The following ZNF765 variants were observed in gnomAD, a reference collection of about 807,000 sequenced individuals.
ZNF765 encodes zinc finger protein 765.
ZNF765 carries 37 observed loss-of-function variants against 44.7 expected under a neutral mutation model. The ratio of observed to expected loss-of-function variants is 0.83; its 90% CI spans 0.64 to 1.09. ZNF765 has a LOEUF of 1.09. Ranked by LOEUF, ZNF765 falls within the 50% of genes least tolerant of loss-of-function variation. ZNF765 has a pLI of 0.00. For missense variants in ZNF765, 594 were observed against 626.1 expected, an observed-to-expected ratio of 0.95 and a Z score of 0.55; for synonymous variants, 201 against 213.7, an observed-to-expected ratio of 0.94 and a Z score of 0.52.
At chr19:53,413,116 GA>G (rs71304183), downstream of ZNF765, 1,087 of 337,778 alleles carry the variant, frequency 3.2e-3, no homozygotes, top group East Asian at 9.1e-3. Context: ...GTCTCAAAAA[GA>G]AAAAAAAAAA....
chr19:53,409,629 T>G lies in ZNF765; in HGVS notation c.*502T>G. ...AGAGAAACCATACAAGTGTAATGAG[T>G]GTGGCAAGACCTTTAGTCAGAACTC... On this transcript the variant is annotated 3_prime_UTR_variant, in exon 4 of 4. Transcript: ENST00000396408. The G allele has an allele frequency of 6.9e-7, 1 of 1,449,820 alleles. No individual in the cohort carries two copies. The highest frequency in any genetic ancestry group is 9.7e-7 in the Non-Finnish European group (1 of 1,034,202). 89.8% of individuals were successfully genotyped at this position (1,449,820 alleles called of 1,614,324 possible). A position where few individuals can be genotyped will look rare whatever the true frequency, so the allele number is the denominator to read the frequency against.
At chr19:53,400,274 A>C (rs982226723) in intron 2 of ZNF765, among the ~76,000 whole-genome samples, 1 of 152,208 alleles carries the variant, frequency 6.6e-6, no homozygotes, top group African/African-American at 2.4e-5. Flanking sequence ...AAACGTGGAT[A>C]GCTTGCTCTT....
chr19:53,423,119 C>A (rs1218859430), exon 4 of ZNF765: 1 of 699,950 alleles, frequency 1.4e-6, no homozygotes, highest in African/African-American at 1.8e-5. Context: ...CCCAGGCCAT[C>A]ACCATCAGCC....
chr19:53,426,857 C>T (rs1396356013), exon 4 of ZNF765: 4 of 151,862 alleles, frequency 2.6e-5, no homozygotes, highest in Non-Finnish European at 5.9e-5. Context: ...AGACAGTTCT[C>T]TGCTAAGGAA....
At chr19:53,414,505 C>A (rs1458571753), downstream of ZNF765, among the ~76,000 whole-genome samples, 26 of 50,024 alleles carry the variant, frequency 5.2e-4, no homozygotes, top group South Asian at 2.9e-3. Flanking sequence ...CCCCCCCCCC[C>A]CCCCGGGGAA....
At chr19:53,406,971 A>G (rs1323122902) in intron 3 of ZNF765, among the ~76,000 whole-genome samples, 2 of 152,156 alleles carry the variant, frequency 1.3e-5, no homozygotes, top group African/African-American at 4.8e-5. Flanking sequence ...CTTTTCTGCA[A>G]GGATATAGGT....
At chr19:53,419,825 C>T (rs1380522004) in intron 3 of ZNF765, among the ~76,000 whole-genome samples, 4 of 151,300 alleles carry the variant, frequency 2.6e-5, no homozygotes, top group Non-Finnish European at 5.9e-5. Context: ...CGAGACCAGC[C>T]TGGCCAACAT....
At chr19:53,404,731 A>AT (rs777397068) in intron 3 of ZNF765, among the ~76,000 whole-genome samples, 30 of 152,158 alleles carry the variant, frequency 2.0e-4, no homozygotes, top group Admixed American at 1.0e-3. Flanking sequence ...AAGTGCTGGG[A>AT]TTACAGGCGT....
Position 53,408,728 on chromosome 19 carries a change from C to T in ZNF765, c.1173C>T (p.Thr391=), listed in dbSNP as rs1555832794. 1.3e-6 allele frequency: 2 copies of T among 1,575,228 alleles called. No homozygotes were observed. The highest frequency in any genetic ancestry group is 1.7e-6 in the Non-Finnish European group (2 of 1,157,154). The change falls in exon 4 of 4, where the codon ACC becomes ACT. Residue 391 remains threonine, a synonymous_variant. Coordinates refer to ENST00000396408, the MANE Select transcript of ZNF765 (RefSeq NM_001040185.3). The part of the protein sequence containing the change: ...KPYKCNECSK[T]FSHKSSLTYH... ...ACAAGTGTAATGAGTGTAGCAAGACCTTTAGTCACAAGTCATCTCTTACAT... is the reference window on the plus strand; with the variant it reads ...ACAAGTGTAATGAGTGTAGCAAGACTTTTAGTCACAAGTCATCTCTTACAT...
At chr19:53,415,061 C>T (rs1249209900), downstream of ZNF765, among the ~76,000 whole-genome samples, 1 of 152,074 alleles carries the variant, frequency 6.6e-6, no homozygotes, top group Non-Finnish European at 1.5e-5. Flanking sequence ...CACCTGAGGT[C>T]GGGAGTTTGA....
In ZNF765 at chr19:53,410,039, G is replaced by T; in HGVS notation, c.*912G>T. The T allele has an allele frequency of 2.1e-6, 1 of 484,278 alleles. No individual in the cohort carries two copies. Among genetic ancestry groups the T allele is most frequent in the Non-Finnish European group, 4.2e-6 (1 of 239,382 alleles). 30.0% of individuals were successfully genotyped at this position (484,278 alleles called of 1,614,324 possible). A position where few individuals can be genotyped will look rare whatever the true frequency, so the allele number is the denominator to read the frequency against. On this transcript the variant is annotated 3_prime_UTR_variant, in exon 4 of 4. Transcript: ENST00000396408. ...CAGAATAAATGCAGAAAATTTTTCA[G>T]ACATCCTTCATACCTTTGCAGTTCA...
chr19:53,419,906 C>A (rs2085897286), intron 3 of ZNF765, among the ~76,000 whole-genome samples: 8 of 151,858 alleles, frequency 5.3e-5, no homozygotes, highest in Admixed American at 4.6e-4. Context: ...GTAATCCCAG[C>A]TAGTTGAGAG....
At chr19:53,396,373 G>T (rs1007713892) in intron 1 of ZNF765, among the ~76,000 whole-genome samples, 1 of 152,182 alleles carries the variant, frequency 6.6e-6, no homozygotes, top group Non-Finnish European at 1.5e-5. Flanking sequence ...TTTAAGGTAC[G>T]CACCGGCTCA....
downstream of ZNF765, among the ~76,000 whole-genome samples, chr19:53,413,930 C>CCAAAA (rs1206293530): frequency 5.0e-5 from 4 of 79,790 alleles, no homozygotes; most frequent in Non-Finnish European, 9.0e-5. Flanking sequence ...GCTAGAAAGA[C>CCAAAA]AAAAAAAAAA....
intron 1 of ZNF765, among the ~76,000 whole-genome samples, chr19:53,395,426 A>G (rs1349325176): frequency 1.3e-5 from 2 of 152,148 alleles, no homozygotes; most frequent in Non-Finnish European, 2.9e-5. Context: ...TACACTTTCT[A>G]TCACGTAGTT....
chr19:53,413,182 C>T (rs373654427), downstream of ZNF765: 69 of 577,582 alleles, frequency 1.2e-4, no homozygotes, highest in East Asian at 2.8e-3. Flanking sequence ...TTGACTCTGC[C>T]TCTCACCAGA....
intron 3 of ZNF765, among the ~76,000 whole-genome samples, chr19:53,418,206 C>A (rs1281563327): frequency 6.6e-6 from 1 of 152,078 alleles, no homozygotes; most frequent in African/African-American, 2.4e-5. Context: ...TCGAGACCAT[C>A]CTGGCTAACA....
In ZNF765 at chr19:53,408,517, A is replaced by T. The variant is rs1337448917; in HGVS notation, c.962A>T (p.His321Leu). Residue 321 changes from histidine to leucine, a missense_variant, in exon 4 of 4, where the codon CAT becomes CTT. His to Leu is a moderately conservative substitution (Grantham distance 99, BLOSUM62 -3). Transcript: ENST00000396408. Reference sequence around the variant, plus strand: ...AAGCTTCAAATACATAGGAGAATTCATACTGGAGAGAAACCGTACAAGTGT... The same window carrying T: ...AAGCTTCAAATACATAGGAGAATTCTTACTGGAGAGAAACCGTACAAGTGT... Reference protein sequence around the residue: ...KSKLQIHRRIHTGEKPYKCNE... With the variant: ...KSKLQIHRRILTGEKPYKCNE... The T allele has an allele frequency of 3.1e-6, 5 of 1,612,070 alleles. No homozygotes were observed. The highest frequency in any genetic ancestry group is 4.2e-6 in the Non-Finnish European group (5 of 1,179,062).
At chr19:53,412,174 G>A (rs1229567356), downstream of ZNF765, among the ~76,000 whole-genome samples, 2 of 152,148 alleles carry the variant, frequency 1.3e-5, no homozygotes, top group African/African-American at 2.4e-5. Flanking sequence ...TTCATGGATG[G>A]TCTTTCTATT....
Sources: allele counts gnomAD v4.1 joint callset (sites outside exome capture counted in the v4.1 genomes callset), GRCh38; gene constraint gnomAD v4.1.1; transcripts MANE v1.5; gene names NCBI Gene and HGNC (gene_info 2026-07-23, HGNC 2026-07-21).